The following ANKRD29 variants were observed in gnomAD, a reference collection of about 807,000 sequenced individuals.
The protein encoded by ANKRD29 is ankyrin repeat domain 29.
A neutral mutation model predicts 38.0 loss-of-function variants in ANKRD29; 32 were observed. The ratio of observed to expected loss-of-function variants is 0.84; its 90% CI spans 0.64 to 1.13. The LOEUF (loss-of-function observed/expected upper bound fraction) is 1.13, where lower values mean the gene tolerates loss of function less well. Among genes scored for constraint, ANKRD29 ranks in the 50% most tolerant of loss-of-function variants. ANKRD29 has a pLI of 0.00. For missense variants in ANKRD29, 357 were observed against 377.9 expected, an observed-to-expected ratio of 0.94 and a Z score of 0.46; for synonymous variants, 135 against 152.4, an observed-to-expected ratio of 0.89 and a Z score of 0.84.
At chr18:23,649,477 T>C (rs2060183635) in intron 1 of ANKRD29, 1 of 641,002 alleles carries the variant, frequency 1.6e-6, no homozygotes, top group African/African-American at 1.8e-5. Flanking sequence ...CTGTTGTGTT[T>C]TTGTTCACCC....
At chr18:23,613,278 T>C (rs971118810) in intron 8 of ANKRD29, among the ~76,000 whole-genome samples, 1 of 150,372 alleles carries the variant, frequency 6.7e-6, no homozygotes, top group Non-Finnish European at 1.5e-5. Flanking sequence ...GCTCAAACGA[T>C]TCTCGTGCCT....
At chr18:23,603,269 C>T (rs1599048852) in intron 9 of ANKRD29, among the ~76,000 whole-genome samples, 1 of 152,258 alleles carries the variant, frequency 6.6e-6, no homozygotes, top group East Asian at 1.9e-4. Context: ...GTAACATGCA[C>T]TGCTCATTTG....
rs1316251977 is a variant in ANKRD29, at chr18:23,619,624, C to T, written c.534G>A (p.Gly178=). Residue 178 remains glycine, a synonymous_variant, in exon 7 of 10, where the codon GGG becomes GGA. Transcript: ENST00000592179. The stretch of plus-strand genomic sequence containing the variant: ...GGGACGCGATCCACAGGGGCGCTGT[C>T]CCGTCCTGCGGGAAGAGGAGGCGGC... ...GAKVNQPRQD[G]TAPLWIASQM... is the part of the protein sequence containing the mutation. The T allele has an allele frequency of 6.3e-7, 1 of 1,580,720 alleles. No homozygotes were observed. The highest frequency in any genetic ancestry group is 1.1e-5 in the South Asian group (1 of 88,600).
intron 6 of ANKRD29, among the ~76,000 whole-genome samples, chr18:23,626,362 C>G (rs1013220388): frequency 6.6e-6 from 1 of 152,156 alleles, no homozygotes; most frequent in Non-Finnish European, 1.5e-5. Context: ...CAGGATCAGA[C>G]CTTTGCATTC....
At chr18:23,626,692 T>G (rs2059866367) in intron 6 of ANKRD29, among the ~76,000 whole-genome samples, 1 of 152,228 alleles carries the variant, frequency 6.6e-6, no homozygotes, top group Non-Finnish European at 1.5e-5. Context: ...TGATTCCTCA[T>G]CCCAAAGTAC....
At chr18:23,648,716 C>T (rs961866651) in intron 2 of ANKRD29, 19 of 399,488 alleles carry the variant, frequency 4.8e-5, no homozygotes, top group Non-Finnish European at 7.9e-5. Context: ...ACATAACGCC[C>T]ACATCCATGG....
chr18:23,612,886 TAAG>T (rs1457285895), intron 8 of ANKRD29, among the ~76,000 whole-genome samples: 3 of 152,080 alleles, frequency 2.0e-5, no homozygotes, highest in Non-Finnish European at 4.4e-5. Context: ...ATAACAAAAC[TAAG>T]AACAGTGGGC....
intron 9 of ANKRD29, among the ~76,000 whole-genome samples, chr18:23,609,726 T>G (rs374404357): frequency 6.6e-6 from 1 of 152,230 alleles, no homozygotes; most frequent in South Asian, 2.1e-4. Context: ...TGTTTCCTCC[T>G]TGCCTTAATT....
At chr18:23,652,629 C>T (rs1487821750) in intron 1 of ANKRD29, among the ~76,000 whole-genome samples, 2 of 152,216 alleles carry the variant, frequency 1.3e-5, no homozygotes, top group African/African-American at 2.4e-5. Context: ...AGAGATGGGG[C>T]CAGTCCTCTA....
At chr18:23,653,127 A>G (rs957761943) in intron 1 of ANKRD29, among the ~76,000 whole-genome samples, 1 of 152,240 alleles carries the variant, frequency 6.6e-6, no homozygotes, top group Admixed American at 6.5e-5. Flanking sequence ...GCAGTCGGCT[A>G]CACTCTCTAT....
rs1007927292 is a variant in ANKRD29 at position 23,601,121 on chromosome 18, G to C, written c.*105C>G. The C allele has an allele frequency of 1.9e-5, 20 of 1,026,022 alleles. No individual in the cohort carries two copies. The highest frequency in any genetic ancestry group is 3.3e-5 in the African/African-American group (2 of 60,844). The allele number at this position is 1,026,022 out of a possible 1,614,324, so 63.6% of individuals were successfully genotyped here. A position where few individuals can be genotyped will look rare whatever the true frequency, so the allele number is the denominator to read the frequency against. On this transcript the variant is annotated 3_prime_UTR_variant, in exon 10 of 10. Coordinates refer to ENST00000592179, the MANE Select transcript of ANKRD29 (RefSeq NM_173505.4). ...GGGACCCACAGGATGGGCATTCTGGGCATCTTTTTTTTTCATAAAAGAATT... is the reference window on the plus strand; with the variant it reads ...GGGACCCACAGGATGGGCATTCTGGCCATCTTTTTTTTTCATAAAAGAATT...
chr18:23,614,120 G>T (rs1305190058), intron 8 of ANKRD29, among the ~76,000 whole-genome samples: 2 of 151,920 alleles, frequency 1.3e-5, no homozygotes, highest in African/African-American at 4.8e-5. Flanking sequence ...ACCTGGGCTG[G>T]AGTGCAGTGG....
chr18:23,605,506 C>A (rs557887914), intron 9 of ANKRD29, among the ~76,000 whole-genome samples: 1 of 151,774 alleles, frequency 6.6e-6, no homozygotes, highest in South Asian at 2.1e-4. Flanking sequence ...CCCGCCATCA[C>A]ACAGAATTTT....
intron 9 of ANKRD29, among the ~76,000 whole-genome samples, chr18:23,606,132 C>G (rs72886252): frequency 0.083 from 12,681 of 152,202 alleles, 686 homozygotes; most frequent in Non-Finnish European, 0.12. Context: ...TTATAGGGGA[C>G]AGGTTTTCTC....
At chr18:23,654,666 G>C (rs1333346862) in intron 1 of ANKRD29, among the ~76,000 whole-genome samples, 1 of 147,936 alleles carries the variant, frequency 6.8e-6, no homozygotes, top group Non-Finnish European at 1.5e-5. Flanking sequence ...TTTGGGTCCA[G>C]AGTCTGAGAT....
intron 5 of ANKRD29, among the ~76,000 whole-genome samples, chr18:23,632,299 T>G (rs927671461): frequency 6.6e-5 from 10 of 152,076 alleles, no homozygotes; most frequent in Admixed American, 2.0e-4. Context: ...ATGCATTGAA[T>G]TTTTCACTGT....
intron 8 of ANKRD29, among the ~76,000 whole-genome samples, chr18:23,613,747 C>T (rs1477052308): frequency 1.3e-5 from 2 of 151,718 alleles, no homozygotes; most frequent in African/African-American, 4.8e-5. Context: ...CTACAGGCGC[C>T]CGCCACACAC....
chr18:23,637,908 T>C (rs749369691), intron 4 of ANKRD29, among the ~76,000 whole-genome samples: 24 of 152,008 alleles, frequency 1.6e-4, no homozygotes, highest in Non-Finnish European at 2.5e-4. Flanking sequence ...AATATTATCA[T>C]GTAAAATCAT....
chr18:23,657,425 T>C (rs2060298999), intron 1 of ANKRD29, among the ~76,000 whole-genome samples: 1 of 152,184 alleles, frequency 6.6e-6, no homozygotes, highest in Admixed American at 6.5e-5. Context: ...TCATTCCCTA[T>C]TATGATTTAA....
Sources: gnomAD v4.1 joint callset for allele counts (sites outside exome capture counted in the v4.1 genomes callset) on GRCh38, gnomAD v4.1.1 for gene constraint, MANE v1.5 for transcripts, NCBI Gene and HGNC (gene_info 2026-07-23, HGNC 2026-07-21) for gene names.